Variants in CFDP1 observed in about 807,000 individuals in gnomAD.
CFDP1 encodes the protein heterochromatin-stabilizing protein CFDP1.
CFDP1 carries 31 observed loss-of-function variants against 40.1 expected under a neutral mutation model. The ratio of observed to expected loss-of-function variants is 0.77; its 90% CI spans 0.58 to 1.04. The LOEUF (loss-of-function observed/expected upper bound fraction) is 1.04. Among genes scored for constraint, CFDP1 ranks in the 50% least tolerant of loss-of-function variants. The probability of loss-of-function intolerance (pLI) is 0.00; values close to 1 mark genes in which losing one functional copy is unlikely to be tolerated. For synonymous variants in CFDP1, 167 were observed against 120.0 expected, an observed-to-expected ratio of 1.39 and a Z score of -2.56; for missense variants, 423 against 343.4, an observed-to-expected ratio of 1.23 and a Z score of -1.83.
chr16:75,387,250 C>G (rs767271703), intron 5 of CFDP1, among the ~76,000 whole-genome samples: 1 of 151,842 alleles, frequency 6.6e-6, no homozygotes, highest in African/African-American at 2.4e-5. Flanking sequence ...ACGCCATTCT[C>G]GTGCCTCAGC....
intron 5 of CFDP1, among the ~76,000 whole-genome samples, chr16:75,366,013 C>T (rs1437835971): frequency 6.6e-6 from 1 of 152,114 alleles, no homozygotes; most frequent in African/African-American, 2.4e-5. Context: ...ATTTACCAGC[C>T]AGCATATTTC....
intron 1 of CFDP1, among the ~76,000 whole-genome samples, chr16:75,421,520 A>T (rs1358209679): frequency 6.6e-6 from 1 of 152,228 alleles, no homozygotes; most frequent in East Asian, 1.9e-4. Context: ...AAAAGGAACA[A>T]ATCTTGTCCA....
intron 1 of CFDP1, 91 bp downstream of exon 1, chr16:75,433,198 C>CA: frequency 7.7e-7 from 1 of 1,296,330 alleles, no homozygotes; most frequent in Non-Finnish European, 1.1e-6. Flanking sequence ...ACCACCTGGG[C>CA]CACAGGGCAG....
intron 5 of CFDP1, among the ~76,000 whole-genome samples, chr16:75,350,491 T>C (rs1173116249): frequency 1.3e-5 from 2 of 152,218 alleles, no homozygotes; most frequent in African/African-American, 4.8e-5. Flanking sequence ...TAATTATGTA[T>C]TATAAGCTCT....
intron 4 of CFDP1, among the ~76,000 whole-genome samples, chr16:75,405,319 A>G (rs1175464384): frequency 6.6e-6 from 1 of 152,194 alleles, no homozygotes; most frequent in African/African-American, 2.4e-5. Context: ...ATTGTTACTC[A>G]ATTGTAATTT....
chr16:75,400,919 T>C (rs572015100), intron 4 of CFDP1, among the ~76,000 whole-genome samples: 4 of 152,108 alleles, frequency 2.6e-5, no homozygotes, highest in Non-Finnish European at 4.4e-5. Context: ...TAGGGGGAAG[T>C]TGTCAACAAT....
chr16:75,320,200 T>G (rs1280248402), intron 5 of CFDP1, among the ~76,000 whole-genome samples: 1 of 152,230 alleles, frequency 6.6e-6, no homozygotes, highest in Non-Finnish European at 1.5e-5. Flanking sequence ...ATCCCATCCC[T>G]ACTGCTAGGA....
intron 5 of CFDP1, among the ~76,000 whole-genome samples, chr16:75,340,335 A>G (rs904778134): frequency 1.3e-4 from 20 of 152,248 alleles, no homozygotes; most frequent in Non-Finnish European, 2.4e-4. Flanking sequence ...CTCAAATATA[A>G]CCCAATTTAA....
chr16:75,298,508 T>C (rs1029498591), intron 6 of CFDP1, among the ~76,000 whole-genome samples: 2 of 152,224 alleles, frequency 1.3e-5, no homozygotes, highest in African/African-American at 4.8e-5. Flanking sequence ...CAGCATTCTG[T>C]TCCCCAAGTG....
chr16:75,303,195 G>A (rs1469279687), intron 6 of CFDP1, among the ~76,000 whole-genome samples: 7 of 143,128 alleles, frequency 4.9e-5, no homozygotes, highest in South Asian at 2.3e-4. Flanking sequence ...GTGAAACCCC[G>A]TCTCTACTAA....
At position 75,433,324 on chromosome 16, in the gene CFDP1, G is replaced by C; in HGVS notation, c.29C>G (p.Ser10Cys). 1 of 1,602,182 alleles carries C rather than the reference G, an allele frequency of 6.2e-7. No homozygotes were observed. Among genetic ancestry groups the C allele is most frequent in the Non-Finnish European group, 8.5e-7 (1 of 1,175,166 alleles). The change falls in exon 1 of 7, where the codon TCT becomes TGT. Residue 10 changes from serine (S) to cysteine (C), a missense_variant. Transcript: ENST00000283882. ...GTAGTCCTCGTCCTCCTCCGACGTA[G>C]AGAAGTCTTCGGAGTCGAATTCCTC... MEEFDSEDF[S>C]TSEEDEDYVP... is the part of the protein sequence containing the mutation.
chr16:75,304,742 G>T (rs905074266), intron 6 of CFDP1, among the ~76,000 whole-genome samples: 2 of 152,226 alleles, frequency 1.3e-5, no homozygotes. Flanking sequence ...GCAACTTACA[G>T]TTCACTGGAG....
At chr16:75,418,306 CTTTTTT>C (rs60458195) in intron 1 of CFDP1, among the ~76,000 whole-genome samples, 1 of 107,136 alleles carries the variant, frequency 9.3e-6, no homozygotes, top group Non-Finnish European at 1.8e-5. Flanking sequence ...AACTCTAACC[CTTTTTT>C]TTTTTTTTTT....
intron 1 of CFDP1, among the ~76,000 whole-genome samples, chr16:75,426,035 C>CA (rs71134711): frequency 7.0e-4 from 24 of 34,510 alleles, no homozygotes; most frequent in African/African-American, 1.6e-3. Context: ...CACTCTGTCT[C>CA]AAAAAAAAAA....
intron 5 of CFDP1, among the ~76,000 whole-genome samples, chr16:75,371,351 A>G (rs201649153): frequency 7.5e-6 from 1 of 132,526 alleles, no homozygotes; most frequent in African/African-American, 2.8e-5. Context: ...TCATAATTAT[A>G]TATCTCTCTC....
intron 5 of CFDP1, among the ~76,000 whole-genome samples, chr16:75,310,262 A>G (rs1395844534): frequency 6.6e-6 from 1 of 152,172 alleles, no homozygotes; most frequent in East Asian, 1.9e-4. Flanking sequence ...TGCAGCTCAT[A>G]CTGGTGAAAG....
intron 6 of CFDP1, among the ~76,000 whole-genome samples, chr16:75,302,943 C>G (rs781072965): frequency 1.3e-4 from 20 of 152,162 alleles, no homozygotes; most frequent in Non-Finnish European, 1.6e-4. Context: ...CACCTGTAAT[C>G]CCAGAACTTT....
chr16:75,386,622 G>A (rs2078899835), intron 5 of CFDP1, among the ~76,000 whole-genome samples: 1 of 152,170 alleles, frequency 6.6e-6, no homozygotes, highest in South Asian at 2.1e-4. Flanking sequence ...CTACTTGGGA[G>A]GCTGAGGCAG....
chr16:75,341,120 C>G (rs7202946), intron 5 of CFDP1, among the ~76,000 whole-genome samples: 11 of 152,200 alleles, frequency 7.2e-5, no homozygotes, highest in African/African-American at 1.9e-4. Flanking sequence ...GCTTTCTTCC[C>G]TCTCCAGTTA....
Sources: gnomAD v4.1 joint callset for allele counts (sites outside exome capture counted in the v4.1 genomes callset) on GRCh38, gnomAD v4.1.1 for gene constraint, MANE v1.5 for transcripts, NCBI Gene and HGNC (gene_info 2026-07-23, HGNC 2026-07-21) for gene names.